Variants in CLCA1 observed in about 807,000 individuals in gnomAD.
The protein encoded by CLCA1 is chloride channel accessory 1, also known as calcium-activated chloride channel regulator 1.
CLCA1 carries 59 observed loss-of-function variants against 85.6 expected under a neutral mutation model. The observed-to-expected ratio is 0.69, with a 90% CI of 0.56 to 0.86. The LOEUF (loss-of-function observed/expected upper bound fraction) is 0.86. Ranked by LOEUF, CLCA1 falls within the 40% of genes least tolerant of loss-of-function variation. The pLI is 0.00. For missense variants in CLCA1, 1,022 were observed against 1,101.4 expected (o/e 0.93, Z 1.02); for synonymous variants, 396 against 398.3 (o/e 0.99, Z 0.07).
At chr1:86,473,393 C>A in intron 1 of CLCA1, 24 bp from the exon 2 acceptor site, 1 of 1,493,430 alleles carries the variant, frequency 6.7e-7, no homozygotes, top group Non-Finnish European at 9.1e-7. Context: ...TCAATTGTTA[C>A]GTATGTTTTC....
chr1:86,474,222 T>C (rs78361294), intron 3 of CLCA1, among the ~76,000 whole-genome samples: 404 of 152,356 alleles, frequency 2.7e-3, no homozygotes, highest in African/African-American at 9.2e-3. Flanking sequence ...CTGCAATTCA[T>C]ACAATAGCCA....
At chr1:86,478,844 A>G (rs1435438794) in intron 4 of CLCA1, among the ~76,000 whole-genome samples, 1 of 152,236 alleles carries the variant, frequency 6.6e-6, no homozygotes, top group Non-Finnish European at 1.5e-5. Flanking sequence ...AAATTTTTAA[A>G]TTATTTTTAA....
At chr1:86,482,087 T>A in intron 4 of CLCA1, 118 bp from the exon 5 acceptor site, 1 of 711,650 alleles carries the variant, frequency 1.4e-6, no homozygotes, top group Middle Eastern at 3.8e-4. Context: ...GGGATGTCCT[T>A]GTTTCTTGGA....
Position 86,473,943 on chromosome 1 carries a change from A to T in CLCA1, c.451+67A>T, listed in dbSNP as rs1570279246. On this transcript the variant is annotated intron_variant, in intron 3 of 13. Coordinates refer to ENST00000394711, the MANE Select transcript of CLCA1 (RefSeq NM_001285.4). Reference sequence around the variant, plus strand: ...TTTATGTTCAAAGTGTATCAACACTAGCATTATCTTTGTGAGTAAGCATGT... The same window carrying T: ...TTTATGTTCAAAGTGTATCAACACTTGCATTATCTTTGTGAGTAAGCATGT... 4 of 1,179,158 alleles carry T rather than the reference A, an allele frequency of 3.4e-6. No individual in the cohort carries two copies. The East Asian group carries it at 9.9e-5, about 29-fold the overall frequency. 73.0% of individuals were successfully genotyped at this position (1,179,158 alleles called of 1,614,324 possible). A position where few individuals can be genotyped will look rare whatever the true frequency, so the allele number is the denominator to read the frequency against.
intron 12 of CLCA1, among the ~76,000 whole-genome samples, chr1:86,495,893 A>G (rs887254578): frequency 1.3e-5 from 2 of 152,176 alleles, no homozygotes; most frequent in East Asian, 1.9e-4. Flanking sequence ...TTATTTGTCA[A>G]TAGCAATTCC....
intron 9 of CLCA1, among the ~76,000 whole-genome samples, chr1:86,492,789 A>T (rs577146730): frequency 2.0e-3 from 306 of 152,358 alleles, no homozygotes; most frequent in African/African-American, 7.1e-3. Context: ...TAGGTAATTC[A>T]GACAATCCAT....
chr1:86,489,244 G>A lies in CLCA1; in HGVS notation c.1357+74G>A, dbSNP rs558381791. The A allele has an allele frequency of 3.5e-6, 5 of 1,414,334 alleles. No homozygotes were observed. In the East Asian group the frequency reaches 1.2e-4, roughly 34 times the overall value. 87.6% of individuals were successfully genotyped at this position (1,414,334 alleles called of 1,614,324 possible). ...TGTGAGCTCCAGTGAACTGGGGAGT[G>A]GGGGAAAGATGGGATGGAGAGAGAT... On this transcript the variant is annotated intron_variant, in intron 8 of 13. Coordinates refer to ENST00000394711, the MANE Select transcript of CLCA1 (RefSeq NM_001285.4).
chr1:86,477,435 C>T (rs960253644), intron 4 of CLCA1, among the ~76,000 whole-genome samples: 2 of 152,306 alleles, frequency 1.3e-5, no homozygotes, highest in Middle Eastern at 3.4e-3. Context: ...TTGGAAAGAA[C>T]GCTTGGCTGC....
intron 9 of CLCA1, among the ~76,000 whole-genome samples, chr1:86,492,295 C>T (rs2101745171): frequency 6.6e-6 from 1 of 152,238 alleles, no homozygotes; most frequent in African/African-American, 2.4e-5. Context: ...TATTCTGGTT[C>T]AGATTTAGAA....
At chr1:86,470,667 T>C (rs1647476989) in intron 1 of CLCA1, among the ~76,000 whole-genome samples, 1 of 152,218 alleles carries the variant, frequency 6.6e-6, no homozygotes, top group African/African-American at 2.4e-5. Context: ...GTGAGATAAG[T>C]TGGCTTCCAT....
chr1:86,470,241 G>A (rs1647464746), intron 1 of CLCA1, among the ~76,000 whole-genome samples: 4 of 152,142 alleles, frequency 2.6e-5, no homozygotes, highest in African/African-American at 7.2e-5. Context: ...CAGCAGTAGG[G>A]GATAGGGATA....
rs779564430 is a variant in CLCA1 at position 86,495,650 on chromosome 1, G to A, written c.2088G>A (p.Leu696=). The A allele has an allele frequency of 7.4e-6, 12 of 1,612,192 alleles. No homozygotes were observed. The highest frequency in any genetic ancestry group is 3.4e-5 in the Admixed American group (2 of 59,544). The part of the protein sequence containing the change: ...RRVIPQQSGA[L]YIPGWIENDE... ...TGATACCCCAGCAGAGTGGAGCACT[G>A]TACATACCTGGCTGGATTGAGAATG... is the stretch of plus-strand genomic sequence containing the variant. The change falls in exon 12 of 14, where the codon CTG becomes CTA. Residue 696 remains leucine (L), a synonymous_variant. Transcript: ENST00000394711.
At chr1:86,474,669 T>C (rs998725096) in intron 3 of CLCA1, among the ~76,000 whole-genome samples, 17 of 152,134 alleles carry the variant, frequency 1.1e-4, no homozygotes, top group African/African-American at 3.6e-4. Flanking sequence ...GGATCACACT[T>C]TGAGTAGCAG....
At chr1:86,473,059 A>G (rs1647545613) in intron 1 of CLCA1, among the ~76,000 whole-genome samples, 1 of 152,154 alleles carries the variant, frequency 6.6e-6, no homozygotes, top group African/African-American at 2.4e-5. Context: ...CATATGTTTC[A>G]CTTTGTTCCT....
At chr1:86,482,183 T>C in intron 4 of CLCA1, 22 bp from the exon 5 acceptor site, 1 of 1,598,808 alleles carries the variant, frequency 6.3e-7, no homozygotes, top group Middle Eastern at 1.7e-4. Context: ...CACCTAAACA[T>C]CTAACCTTCC....
chr1:86,492,109 C>G (rs1349165552), intron 9 of CLCA1, among the ~76,000 whole-genome samples: 1 of 152,132 alleles, frequency 6.6e-6, no homozygotes, highest in Non-Finnish European at 1.5e-5. Context: ...AGAGAGTGAA[C>G]AATCAGCATT....
At chr1:86,473,363 A>C in intron 1 of CLCA1, 54 bp from the exon 2 acceptor site, 11 of 1,243,070 alleles carry the variant, frequency 8.8e-6, no homozygotes, top group South Asian at 1.7e-5. Context: ...TGAATGACTG[A>C]TAATTTAATT....
At chr1:86,480,915 G>A (rs1244820716) in intron 4 of CLCA1, among the ~76,000 whole-genome samples, 4 of 152,084 alleles carry the variant, frequency 2.6e-5, no homozygotes, top group Admixed American at 6.6e-5. Context: ...CTGTATCAAC[G>A]GGCTTTAAAA....
At chr1:86,483,622 T>C (rs1185359437) in intron 5 of CLCA1, among the ~76,000 whole-genome samples, 2 of 152,186 alleles carry the variant, frequency 1.3e-5, no homozygotes, top group Non-Finnish European at 2.9e-5. Flanking sequence ...TGTGTTAGTA[T>C]TGACCTTAGT....
Sources: gnomAD v4.1 joint callset for allele counts (sites outside exome capture counted in the v4.1 genomes callset) on GRCh38, gnomAD v4.1.1 for gene constraint, MANE v1.5 for transcripts, NCBI Gene and HGNC (gene_info 2026-07-23, HGNC 2026-07-21) for gene names.